Variants in ZNF684 observed in about 807,000 individuals in gnomAD.
ZNF684 encodes hypothetical protein MGC27466.
ZNF684 carries 13 observed loss-of-function variants against 12.8 expected under a neutral mutation model. The ratio of observed to expected loss-of-function variants is 1.02; its 90% CI spans 0.66 to 1.62. ZNF684 has a LOEUF of 1.62. Among genes scored for constraint, ZNF684 ranks in the 40% most tolerant of loss-of-function variants. The probability of loss-of-function intolerance (pLI) is 0.00; values close to 1 mark genes in which losing one functional copy is unlikely to be tolerated. For missense variants in ZNF684, 384 were observed against 446.9 expected, an observed-to-expected ratio of 0.86 and a Z score of 1.27; for synonymous variants, 118 against 151.8, an observed-to-expected ratio of 0.78 and a Z score of 1.64.
chr1:40,541,589 C>G, intron 3 of ZNF684, 26 bp from the exon 4 acceptor site: 2 of 1,602,906 alleles, frequency 1.2e-6, no homozygotes, highest in Non-Finnish European at 1.7e-6. Context: ...TTTGGCCCCA[C>G]TTCTATGCTG....
At chr1:40,542,699 A>G (rs941949198) in intron 4 of ZNF684, among the ~76,000 whole-genome samples, 1 of 152,184 alleles carries the variant, frequency 6.6e-6, no homozygotes, top group East Asian at 1.9e-4. Flanking sequence ...TATTTCTTCA[A>G]TTGTCACCCT....
chr1:40,541,030 CAAAAAA>C (rs57200329), intron 3 of ZNF684, among the ~76,000 whole-genome samples: 195 of 79,404 alleles, frequency 2.5e-3, no homozygotes, highest in African/African-American at 7.7e-3. Flanking sequence ...GACCCTATCT[CAAAAAA>C]AAAAAAAAAA....
At position 40,542,434 on chromosome 1, in the gene ZNF684, G is replaced by C. The variant is rs975943628; in HGVS notation, c.238+724G>C. 3.3e-5 allele frequency among the ~76,000 whole-genome samples: 5 copies of C among 152,104 alleles called. 1 individual carries two copies. The highest frequency in any genetic ancestry group is 3.3e-4 in the Admixed American group (5 of 15,268). The stretch of plus-strand genomic sequence containing the variant: ...ACTTTCTGTTTCACTTGGTAATATT[G>C]ATAACTTTTTGAAATTCCCCTCCAG... On this transcript the variant is annotated intron_variant, in intron 4 of 4. Coordinates refer to ENST00000372699, the MANE Select transcript of ZNF684 (RefSeq NM_152373.4).
intron 2 of ZNF684, among the ~76,000 whole-genome samples, chr1:40,534,942 A>C (rs140749199): frequency 1.3e-5 from 2 of 152,170 alleles, no homozygotes; most frequent in African/African-American, 4.8e-5. Context: ...ATAGCTAGCT[A>C]TGGTCACAGC....
intron 2 of ZNF684, 46 bp from the exon 3 acceptor site, chr1:40,540,540 C>T (rs541183616): frequency 3.2e-5 from 48 of 1,501,088 alleles, no homozygotes; most frequent in Middle Eastern, 1.8e-4. Context: ...CTTGCAAGTT[C>T]GCTAGTGATA....
At chr1:40,537,728 G>T (rs1001950741) in intron 2 of ZNF684, among the ~76,000 whole-genome samples, 2 of 151,586 alleles carry the variant, frequency 1.3e-5, no homozygotes, top group Admixed American at 6.6e-5. Flanking sequence ...GGGCGACAGA[G>T]CAAGACTCCG....
chr1:40,535,047 G>A (rs918081847), intron 2 of ZNF684, among the ~76,000 whole-genome samples: 4 of 152,178 alleles, frequency 2.6e-5, no homozygotes, highest in African/African-American at 9.7e-5. Flanking sequence ...CAGAACTCTT[G>A]TTAGATCTAA....
intron 2 of ZNF684, among the ~76,000 whole-genome samples, chr1:40,536,774 T>TC (rs1645988066): frequency 6.6e-6 from 1 of 150,550 alleles, no homozygotes; most frequent in African/African-American, 2.4e-5. Context: ...TTTGGTTTTT[T>TC]GTTCTTGCGA....
At chr1:40,535,572 T>G (rs1244392515) in intron 2 of ZNF684, among the ~76,000 whole-genome samples, 2 of 150,252 alleles carry the variant, frequency 1.3e-5, no homozygotes, top group East Asian at 3.9e-4. Context: ...CCGTTTCCTC[T>G]TGTATTCTAG....
At chr1:40,543,727 A>C (rs1171296565) in intron 4 of ZNF684, among the ~76,000 whole-genome samples, 4 of 152,178 alleles carry the variant, frequency 2.6e-5, no homozygotes, top group African/African-American at 9.7e-5. Flanking sequence ...AAGTGCTGGG[A>C]TTACAGGCGT....
At chr1:40,544,498 C>T (rs996506649) in intron 4 of ZNF684, 1 of 326,610 alleles carries the variant, frequency 3.1e-6, no homozygotes, top group Non-Finnish European at 6.1e-6. Context: ...ACTACAGGCG[C>T]CCGCCACCAT....
intron 2 of ZNF684, among the ~76,000 whole-genome samples, chr1:40,539,578 C>T (rs1646003664): frequency 6.6e-6 from 1 of 152,138 alleles, no homozygotes; most frequent in Admixed American, 6.6e-5. Flanking sequence ...AGTTGAGTAA[C>T]GTACAAGAGT....
chr1:40,542,446 A>G (rs1646022006), intron 4 of ZNF684, among the ~76,000 whole-genome samples: 1 of 152,010 alleles, frequency 6.6e-6, no homozygotes, highest in Admixed American at 6.6e-5. Context: ...TAACTTTTTG[A>G]AATTCCCCTC....
intron 1 of ZNF684, among the ~76,000 whole-genome samples, chr1:40,532,816 A>G (rs1645964908): frequency 6.6e-6 from 1 of 152,238 alleles, no homozygotes. Flanking sequence ...TAAGTGAGTC[A>G]ACTCATTCAT....
At chr1:40,541,030 C>CAAAAAAAAA (rs57200329) in intron 3 of ZNF684, among the ~76,000 whole-genome samples, 1 of 79,406 alleles carries the variant, frequency 1.3e-5, no homozygotes, top group East Asian at 3.4e-4. Flanking sequence ...GACCCTATCT[C>CAAAAAAAAA]AAAAAAAAAA....
chr1:40,541,685 A>G lies in ZNF684; in HGVS notation c.213A>G (p.Gly71=). 6.2e-7 allele frequency: 1 copy of G among 1,613,298 alleles called. No individual in the cohort carries two copies. Among genetic ancestry groups the G allele is most frequent in the Non-Finnish European group, 8.5e-7 (1 of 1,179,548 alleles). Reference sequence around the variant, plus strand: ...GACAAGAGCCATGGATGGTGGAGGGAGCGAATCCACACGAGAGCTCTCCAG... The same window carrying G: ...GACAAGAGCCATGGATGGTGGAGGGGGCGAATCCACACGAGAGCTCTCCAG... ...EQGQEPWMVE[G]ANPHESSPES... Residue 71 remains glycine (G), a synonymous_variant, in exon 4 of 5, where the codon GGA becomes GGG. Coordinates refer to ENST00000372699, the MANE Select transcript of ZNF684 (RefSeq NM_152373.4).
chr1:40,541,410 C>T (rs1228132709), intron 3 of ZNF684: 1 of 404,580 alleles, frequency 2.5e-6, no homozygotes, highest in Admixed American at 3.5e-5. Context: ...GTCTCGATCT[C>T]CTGACCTCAT....
In ZNF684 at chr1:40,535,597, T is replaced by TA. The variant is rs200115701; in HGVS notation, c.15+2416_15+2417insA. Among the ~76,000 whole-genome samples the TA allele has an allele frequency of 1.0e-2, 1,515 of 151,582 alleles. 20 individuals are homozygous for TA. Among genetic ancestry groups the TA allele is most frequent in the African/African-American group, 0.035 (1,433 of 40,992 alleles). On this transcript the variant is annotated intron_variant, in intron 2 of 4. Transcript: ENST00000372699. ...TTGTATTCTAGTAGATAGTTGTTTTTTTTTTATTTTGTTTTTAATCAAGTT... is the reference window on the plus strand; with the variant it reads ...TTGTATTCTAGTAGATAGTTGTTTTTATTTTTATTTTGTTTTTAATCAAGTT...
At chr1:40,533,673 T>C (rs1645969022) in intron 2 of ZNF684, among the ~76,000 whole-genome samples, 1 of 152,208 alleles carries the variant, frequency 6.6e-6, no homozygotes, top group Non-Finnish European at 1.5e-5. Context: ...TCCAGGTATG[T>C]GGCCTTTTTA....
Sources: gnomAD v4.1 joint callset for allele counts (sites outside exome capture counted in the v4.1 genomes callset) on GRCh38, gnomAD v4.1.1 for gene constraint, MANE v1.5 for transcripts, NCBI Gene and HGNC (gene_info 2026-07-23, HGNC 2026-07-21) for gene names.